Variants in BCL9 observed in about 807,000 individuals in gnomAD.
The protein encoded by BCL9 is B-cell CLL/lymphoma 9 protein.
A neutral mutation model predicts 88.5 loss-of-function variants in BCL9; 25 were observed. The observed-to-expected ratio is 0.28, with a 90% confidence interval of 0.21 to 0.39. The LOEUF is 0.39. BCL9 is among the 10% of genes least tolerant of loss of function. The pLI, the probability that BCL9 is intolerant of heterozygous loss-of-function variation, is 1.00. For missense variants in BCL9, 1,817 were observed against 1,877.8 expected (o/e 0.97, Z 0.60); for synonymous variants, 711 against 673.3 (o/e 1.06, Z -0.87).
chr1:147,615,003 T>C (rs1658202173), intron 6 of BCL9, among the ~76,000 whole-genome samples: 1 of 152,092 alleles, frequency 6.6e-6, no homozygotes, highest in Non-Finnish European at 1.5e-5. Flanking sequence ...TACACCCAGC[T>C]AATTTTTTGT....
intron 1 of BCL9, among the ~76,000 whole-genome samples, chr1:147,588,256 C>G (rs2101565211): frequency 6.6e-6 from 1 of 152,180 alleles, no homozygotes; most frequent in Middle Eastern, 3.4e-3. Flanking sequence ...GCCCTAGTTT[C>G]CGTTGCGGAC....
intron 1 of BCL9, among the ~76,000 whole-genome samples, chr1:147,553,245 T>A (rs151016995): frequency 4.4e-4 from 67 of 152,318 alleles, no homozygotes; most frequent in African/African-American, 1.5e-3. Context: ...CACTGTAAGG[T>A]AGAACCTCAG....
rs587650522 is a variant in BCL9, at chr1:147,547,748, G to A, written c.-478+6074G>A. 5.3e-5 allele frequency among the ~76,000 whole-genome samples: 8 copies of A among 152,098 alleles called. No homozygotes were observed. The East Asian group carries it at 1.5e-3, about 29-fold the overall frequency. On this transcript the variant is annotated intron_variant, in intron 1 of 9. Coordinates refer to ENST00000234739, the MANE Select transcript of BCL9 (RefSeq NM_004326.4). ...GAAATTTATTGTTAACTTTAAAGACGGGAAAAAAGAAATAGTTTAGTGAAG... is the reference window on the plus strand; with the variant it reads ...GAAATTTATTGTTAACTTTAAAGACAGGAAAAAAGAAATAGTTTAGTGAAG...
intron 1 of BCL9, among the ~76,000 whole-genome samples, chr1:147,550,649 G>T (rs924565873): frequency 2.6e-5 from 4 of 152,164 alleles, no homozygotes; most frequent in African/African-American, 9.7e-5. Flanking sequence ...ATAAATAGAA[G>T]CATTAAACTC....
intron 1 of BCL9, among the ~76,000 whole-genome samples, chr1:147,563,428 T>C (rs1028868102): frequency 2.6e-5 from 4 of 152,074 alleles, no homozygotes; most frequent in Non-Finnish European, 2.9e-5. Context: ...CTCATGCAGG[T>C]ATAACAACAT....
intron 5 of BCL9, among the ~76,000 whole-genome samples, chr1:147,614,224 G>A (rs1553203268): frequency 2.0e-5 from 3 of 152,258 alleles, no homozygotes; most frequent in African/African-American, 7.2e-5. Context: ...TAATAGAGAG[G>A]TAAGGAAGCT....
At position 147,568,731 on chromosome 1, in the gene BCL9, A is replaced by T. The variant is rs587629392; in HGVS notation, c.-478+27057A>T. On this transcript the variant is annotated intron_variant, in intron 1 of 9. Coordinates refer to ENST00000234739, the MANE Select transcript of BCL9 (RefSeq NM_004326.4). ...AAGTTAGATAGTAAGATGTGAGGCC[A>T]TCTTTGAAAAATGTCAGCTGTGTCT... 2.8e-4 allele frequency among the ~76,000 whole-genome samples: 43 copies of T among 152,330 alleles called. 1 individual carries two copies. The South Asian group carries it at 8.9e-3, about 32-fold the overall frequency.
chr1:147,551,470 T>C (rs1654902092), intron 1 of BCL9, among the ~76,000 whole-genome samples: 1 of 152,234 alleles, frequency 6.6e-6, no homozygotes, highest in Admixed American at 6.5e-5. Context: ...TAGTCAAGGA[T>C]AAGTTTTGGA....
chr1:147,611,120 T>C (rs1044544087), intron 3 of BCL9, among the ~76,000 whole-genome samples: 1 of 152,156 alleles, frequency 6.6e-6, no homozygotes, highest in Admixed American at 6.5e-5. Flanking sequence ...TGGTTTGAAA[T>C]TGGGGGGGTT....
chr1:147,615,963 G>A, intron 7 of BCL9, 61 bp downstream of exon 7: 2 of 1,495,456 alleles, frequency 1.3e-6, no homozygotes, highest in East Asian at 2.3e-5. Flanking sequence ...CAAAGGAAAG[G>A]AGGTGGTGAA....
chr1:147,618,635 T>TA (rs879959539), intron 7 of BCL9, among the ~76,000 whole-genome samples, 181 bp from the exon 8 acceptor site: 146,524 of 147,652 alleles, frequency 0.99, 72,699 homozygotes, highest in Middle Eastern at 1. Flanking sequence ...ACAGTAAGTT[T>TA]AAAAAAAAAA....
chr1:147,625,148 C>A lies in BCL9; in HGVS notation c.*189C>A. 1 of 642,858 alleles carries A rather than the reference C, an allele frequency of 1.6e-6. No homozygotes were observed. The highest frequency in any genetic ancestry group is 2.4e-6 in the Non-Finnish European group (1 of 409,550). 39.8% of individuals were successfully genotyped at this position (642,858 alleles called of 1,614,324 possible). A position where few individuals can be genotyped will look rare whatever the true frequency, so the allele number is the denominator to read the frequency against. On this transcript the variant is annotated 3_prime_UTR_variant, in exon 10 of 10. Transcript: ENST00000234739. ...CCTGAAAACAAATTATTCATTTAAT[C>A]AACAGGTGTGTTTTTTTTAAGATTT...
intron 1 of BCL9, among the ~76,000 whole-genome samples, chr1:147,599,890 A>G (rs1657267504): frequency 6.8e-6 from 1 of 147,932 alleles, no homozygotes; most frequent in Non-Finnish European, 1.5e-5. Context: ...GAGGGGGACG[A>G]GCGACTTTCC....
intron 1 of BCL9, among the ~76,000 whole-genome samples, chr1:147,544,503 C>G (rs1054185521): frequency 2.0e-4 from 30 of 152,196 alleles, no homozygotes; most frequent in Non-Finnish European, 7.3e-5. Flanking sequence ...AGTAACTTCA[C>G]TCTTGTAGTG....
At chr1:147,574,303 C>T (rs587665884) in intron 1 of BCL9, among the ~76,000 whole-genome samples, 7 of 152,194 alleles carry the variant, frequency 4.6e-5, no homozygotes, top group Non-Finnish European at 7.4e-5. Context: ...TTCCTGACAC[C>T]GCAGTTGTCA....
chr1:147,586,450 T>C (rs1215865329), intron 1 of BCL9, among the ~76,000 whole-genome samples: 2 of 152,186 alleles, frequency 1.3e-5, no homozygotes, highest in Non-Finnish European at 2.9e-5. Flanking sequence ...CTCAGGAGCC[T>C]TCCCATTTAA....
chr1:147,593,957 T>C (rs959599391), intron 1 of BCL9, among the ~76,000 whole-genome samples: 17 of 152,192 alleles, frequency 1.1e-4, no homozygotes, highest in African/African-American at 4.1e-4. Flanking sequence ...AAACATTGTT[T>C]TTGACCAAAA....
chr1:147,621,137 G>A (rs1658617754), intron 8 of BCL9, 80 bp downstream of exon 8: 1 of 1,416,748 alleles, frequency 7.1e-7, no homozygotes, highest in Admixed American at 2.1e-5. Flanking sequence ...GAAAACTGGT[G>A]TCTTGAGTAC....
At position 147,588,248 on chromosome 1, in the gene BCL9, C is replaced by T. The variant is rs916899612; in HGVS notation, c.-477-16529C>T. 2.0e-5 allele frequency among the ~76,000 whole-genome samples: 3 copies of T among 152,060 alleles called. No individual in the cohort carries two copies. The East Asian group carries it at 5.8e-4, about 29-fold the overall frequency. On this transcript the variant is annotated intron_variant, in intron 1 of 9. Coordinates refer to ENST00000234739, the MANE Select transcript of BCL9 (RefSeq NM_004326.4). ...TTTTTTTCTGCATCCAAGTTCTAGCCCTAGTTTCCGTTGCGGACCCAGGGT... is the reference window on the plus strand; with the variant it reads ...TTTTTTTCTGCATCCAAGTTCTAGCTCTAGTTTCCGTTGCGGACCCAGGGT...
Sources: gnomAD v4.1 joint callset for allele counts (sites outside exome capture counted in the v4.1 genomes callset) on GRCh38, gnomAD v4.1.1 for gene constraint, MANE v1.5 for transcripts, NCBI Gene and HGNC (gene_info 2026-07-23, HGNC 2026-07-21) for gene names.